The following MPP7 variants were observed in gnomAD, a reference collection of about 807,000 sequenced individuals.
MPP7 encodes MAGUK p55 subfamily member 7.
A neutral mutation model predicts 76.5 loss-of-function variants in MPP7; 60 were observed. That is an observed-to-expected ratio of 0.78 (90% CI 0.64 to 0.97). The LOEUF (loss-of-function observed/expected upper bound fraction) is 0.97. Ranked by LOEUF, MPP7 falls within the 50% of genes least tolerant of loss-of-function variation. The probability of loss-of-function intolerance (pLI) is 0.00; values close to 1 mark genes in which losing one functional copy is unlikely to be tolerated. For synonymous variants in MPP7, 237 were observed against 244.5 expected (o/e 0.97, Z 0.29); for missense variants, 641 against 694.0 (o/e 0.92, Z 0.86).
intron 1 of MPP7, among the ~76,000 whole-genome samples, chr10:28,276,788 T>C (rs1197358402): frequency 6.6e-6 from 1 of 152,088 alleles, no homozygotes; most frequent in African/African-American, 2.4e-5. Flanking sequence ...CAGCACAATG[T>C]GAAGAACAAT....
At chr10:28,306,320 T>C (rs902555375), upstream of MPP7, among the ~76,000 whole-genome samples, 2 of 152,214 alleles carry the variant, frequency 1.3e-5, no homozygotes, top group African/African-American at 4.8e-5. Context: ...ACTGAAAAGC[T>C]ATCTCTTCAC....
chr10:28,151,214 T>C (rs1405841712), intron 3 of MPP7, among the ~76,000 whole-genome samples: 1 of 152,200 alleles, frequency 6.6e-6, no homozygotes, highest in Non-Finnish European at 1.5e-5. Flanking sequence ...GTACACAATG[T>C]AAAGCTTCAG....
chr10:28,203,945 A>C (rs1837864484), intron 2 of MPP7, among the ~76,000 whole-genome samples: 1 of 152,218 alleles, frequency 6.6e-6, no homozygotes, highest in Non-Finnish European at 1.5e-5. Context: ...TACTCAATAC[A>C]TTTCACATGA....
intron 12 of MPP7, among the ~76,000 whole-genome samples, chr10:28,080,926 T>C (rs886314537): frequency 3.9e-5 from 6 of 152,210 alleles, no homozygotes; most frequent in Non-Finnish European, 4.4e-5. Flanking sequence ...ATAAACACAC[T>C]AACACATTTA....
At chr10:28,168,396 A>C (rs1304308344) in intron 3 of MPP7, among the ~76,000 whole-genome samples, 1 of 152,188 alleles carries the variant, frequency 6.6e-6, no homozygotes, top group Admixed American at 6.5e-5. Context: ...TCTTCTCTCA[A>C]ATTACGGCTA....
chr10:28,169,822 T>C (rs919199822), intron 3 of MPP7, among the ~76,000 whole-genome samples: 5 of 152,298 alleles, frequency 3.3e-5, no homozygotes, highest in Admixed American at 2.0e-4. Flanking sequence ...TATTAACTAG[T>C]ATGTAGATTC....
chr10:28,322,556 C>T (rs936403434), intron 2 of MPP7, among the ~76,000 whole-genome samples: 3 of 152,110 alleles, frequency 2.0e-5, no homozygotes, highest in East Asian at 1.9e-4. Flanking sequence ...CCGCTCTTGG[C>T]GGGTCTTGTC....
At chr10:28,122,456 C>T (rs1292405545) in intron 8 of MPP7, among the ~76,000 whole-genome samples, 5 of 152,160 alleles carry the variant, frequency 3.3e-5, no homozygotes, top group Non-Finnish European at 7.3e-5. Context: ...AGGGTATGCA[C>T]ATTTAAAATT....
intron 1 of MPP7, among the ~76,000 whole-genome samples, chr10:28,260,607 A>G (rs56413516): frequency 0.042 from 6,376 of 151,900 alleles, 287 homozygotes; most frequent in African/African-American, 0.1. Flanking sequence ...CCCTGTCTCT[A>G]CTAAAAATAC....
At chr10:28,313,540 A>G (rs1281897215) in intron 2 of MPP7, among the ~76,000 whole-genome samples, 1 of 152,080 alleles carries the variant, frequency 6.6e-6, no homozygotes, top group African/African-American at 2.4e-5. Context: ...AAACAAAAAG[A>G]CAGAGATATC....
At position 28,061,207 on chromosome 10, in the gene MPP7, A is replaced by G. The variant is rs1851772140; in HGVS notation, c.1205-1464T>C. On this transcript the variant is annotated intron_variant, in intron 13 of 16. Coordinates refer to ENST00000683449, the MANE Select transcript of MPP7 (RefSeq NM_001318170.2). ...AAAAAACACCAATTTTCAAGGGGAA[A>G]GATAACAGATAGCAACCCTGAATGA... Among the ~76,000 whole-genome samples, 18 of 152,332 alleles carry G rather than the reference A, an allele frequency of 1.2e-4. 3 individuals carry two copies. In the South Asian group the frequency reaches 3.7e-3, roughly 32 times the overall value.
intron 11 of MPP7, among the ~76,000 whole-genome samples, chr10:28,093,848 A>G (rs1451844346): frequency 6.6e-6 from 1 of 152,222 alleles, no homozygotes; most frequent in Non-Finnish European, 1.5e-5. Flanking sequence ...GATGGGGACC[A>G]TGTTGCATAG....
At chr10:28,253,106 C>G (rs1432820770) in intron 1 of MPP7, among the ~76,000 whole-genome samples, 1 of 152,184 alleles carries the variant, frequency 6.6e-6, no homozygotes, top group African/African-American at 2.4e-5. Flanking sequence ...TGGGTTTTCA[C>G]CATGTTGGAC....
At chr10:28,210,175 T>C (rs1215427980) in intron 2 of MPP7, among the ~76,000 whole-genome samples, 1 of 152,200 alleles carries the variant, frequency 6.6e-6, no homozygotes, top group East Asian at 1.9e-4. Flanking sequence ...GTTCTCCACG[T>C]TGCAGATGGC....
At chr10:28,090,982 A>C (rs1853270229) in intron 11 of MPP7, among the ~76,000 whole-genome samples, 1 of 152,088 alleles carries the variant, frequency 6.6e-6, no homozygotes, top group Non-Finnish European at 1.5e-5. Flanking sequence ...CCCCATCTCT[A>C]CTAAAAATAC....
intron 2 of MPP7, among the ~76,000 whole-genome samples, chr10:28,320,366 A>G (rs1834356259): frequency 6.6e-6 from 1 of 151,892 alleles, no homozygotes; most frequent in African/African-American, 2.4e-5. Context: ...AGGCTGGGAA[A>G]TTTGGACCAG....
At chr10:28,095,455 A>C (rs1015614845) in intron 11 of MPP7, among the ~76,000 whole-genome samples, 1 of 152,096 alleles carries the variant, frequency 6.6e-6, no homozygotes, top group Non-Finnish European at 1.5e-5. Context: ...GTGATAGCAC[A>C]CTTCACATGT....
chr10:28,056,728 T>C, intron 15 of MPP7, 105 bp from the exon 16 acceptor site: 1 of 924,990 alleles, frequency 1.1e-6, no homozygotes, highest in South Asian at 2.0e-5. Flanking sequence ...TTAAGGTCAG[T>C]AGTCATTTCA....
intron 2 of MPP7, among the ~76,000 whole-genome samples, chr10:28,323,984 A>G (rs1015414880): frequency 2.0e-5 from 3 of 152,194 alleles, no homozygotes; most frequent in African/African-American, 7.2e-5. Context: ...CTTCATAACC[A>G]TATATCCTAG....
Sources: gnomAD v4.1 joint callset for allele counts (sites outside exome capture counted in the v4.1 genomes callset) on GRCh38, gnomAD v4.1.1 for gene constraint, MANE v1.5 for transcripts, NCBI Gene and HGNC (gene_info 2026-07-23, HGNC 2026-07-21) for gene names.